The following CLDN15 variants were observed in gnomAD, a reference collection of about 807,000 sequenced individuals.
CLDN15 encodes the protein claudin-15.
In CLDN15, 9 loss-of-function variants were observed where a neutral mutation model predicts 24.5. That is an observed-to-expected ratio of 0.37 (90% confidence interval 0.22 to 0.64). The LOEUF (loss-of-function observed/expected upper bound fraction) is 0.64. CLDN15 is among the 30% of genes least tolerant of loss of function. The pLI is 0.63. For synonymous variants in CLDN15, 149 were observed against 131.4 expected (o/e 1.13, Z -0.92); for missense variants, 248 against 305.9 (o/e 0.81, Z 1.41).
Position 101,237,310 on chromosome 7 carries a change from G to T in CLDN15, c.217+55C>A. On this transcript the variant is annotated intron_variant, in intron 1 of 4. Transcript: ENST00000308344. The surrounding 1 kb of genome is among the most constrained non-coding windows in gnomAD (Gnocchi z 4.0). ...CACGGAAGTACCCGCCCTCCCCTGG[G>T]GTCTCTGCAGCTTCCCCGCCGCCCT... 2 of 1,153,748 alleles carry T rather than the reference G, an allele frequency of 1.7e-6. No homozygotes were observed. Among genetic ancestry groups the T allele is most frequent in the Non-Finnish European group, 2.6e-6 (2 of 783,176 alleles). 71.5% of individuals were successfully genotyped at this position (1,153,748 alleles called of 1,614,324 possible). A position where few individuals can be genotyped will look rare whatever the true frequency, so the allele number is the denominator to read the frequency against.
At chr7:101,238,159 C>G (rs1173682934), upstream of CLDN15, 2 of 173,766 alleles carry the variant, frequency 1.2e-5, no homozygotes, top group African/African-American at 4.7e-5. Context: ...GGAGGAACCA[C>G]GAGAACAATC....
chr7:101,233,320 G>A (rs183019023), intron 2 of CLDN15, among the ~76,000 whole-genome samples: 35 of 152,066 alleles, frequency 2.3e-4, no homozygotes, highest in Admixed American at 1.0e-3. Flanking sequence ...GTCCAGGGTC[G>A]TCCTTTCCTG....
chr7:101,236,479 G>A (rs1018408437), intron 1 of CLDN15, among the ~76,000 whole-genome samples: 1 of 152,154 alleles, frequency 6.6e-6, no homozygotes, highest in East Asian at 1.9e-4. Context: ...CCTGCCACAC[G>A]GTGCCTGGTG....
At position 101,232,686 on chromosome 7, in the gene CLDN15, T is replaced by C. The variant is rs1412677434; in HGVS notation, c.499A>G (p.Ser167Gly). The change falls in exon 4 of 5, where the codon AGC becomes GGC. Residue 167 changes from serine (S) to glycine (G), a missense_variant. Ser to Gly is a moderately conservative substitution (Grantham distance 56). Coordinates refer to ENST00000308344, the MANE Select transcript of CLDN15 (RefSeq NM_014343.3). ...CCCAGGATGGAGATCAGTGAGGCGC[T>C]CCACCCCAGGTAGAGGGCGGGGCCC... ...ELGPALYLGW[S>G]ASLISILGGL... The C allele has an allele frequency of 1.9e-6, 3 of 1,593,244 alleles. No homozygotes were observed. The highest frequency in any genetic ancestry group is 2.6e-6 in the Non-Finnish European group (3 of 1,170,470).
intron 2 of CLDN15, among the ~76,000 whole-genome samples, chr7:101,233,191 G>A (rs1798537885): frequency 6.6e-6 from 1 of 152,100 alleles, no homozygotes; most frequent in African/African-American, 2.4e-5. Context: ...TTTGGTCCCA[G>A]ATCTACCTAG....
intron 2 of CLDN15, chr7:101,233,970 C>T: frequency 1.8e-6 from 1 of 553,480 alleles, no homozygotes; most frequent in Non-Finnish European, 3.4e-6. Context: ...ATAGCGTGCA[C>T]CCTAACTCTG....
intron 1 of CLDN15, chr7:101,236,713 C>A (rs952033094): frequency 7.8e-7 from 1 of 1,289,752 alleles, no homozygotes; most frequent in Non-Finnish European, 1.0e-6. Flanking sequence ...CCTCTAAGAC[C>A]CCAGAAAGAC....
Position 101,232,704 on chromosome 7 carries a change from C to A in CLDN15, c.481G>T (p.Ala161Ser), listed in dbSNP as rs754103171. Residue 161 changes from alanine (A) to serine (S), a missense_variant, in exon 4 of 5, where the codon GCC becomes TCC. By Grantham distance (99) the Ala-to-Ser change is moderately conservative. Coordinates refer to ENST00000308344, the MANE Select transcript of CLDN15 (RefSeq NM_014343.3). The stretch of plus-strand genomic sequence containing the variant: ...GAGGCGCTCCACCCCAGGTAGAGGG[C>A]GGGGCCCAGCTCGTACCTGCGCACA... ...YPGTKYELGP[A>S]LYLGWSASLI... The A allele has an allele frequency of 1.9e-6, 3 of 1,593,978 alleles. No homozygotes were observed. The highest frequency in any genetic ancestry group is 3.5e-5 in the Admixed American group (2 of 56,834).
Position 101,236,750 on chromosome 7 carries a change from C to T in CLDN15, c.217+615G>A, listed in dbSNP as rs1162225811. On this transcript the variant is annotated intron_variant, in intron 1 of 4. Coordinates refer to ENST00000308344, the MANE Select transcript of CLDN15 (RefSeq NM_014343.3). ...CTGTCCTGGAAGCCCCACACACCTG[C>T]ACACACACCGCCTCCTTACAGCGGA... The T allele has an allele frequency of 8.5e-6, 11 of 1,291,276 alleles. No individual in the cohort carries two copies. In the African/African-American group the frequency reaches 1.2e-4, roughly 14 times the overall value. The allele number at this position is 1,291,276 out of a possible 1,614,324, so 80.0% of individuals were successfully genotyped here.
At chr7:101,235,689 G>T (rs1347664191) in intron 1 of CLDN15, among the ~76,000 whole-genome samples, 1 of 152,170 alleles carries the variant, frequency 6.6e-6, no homozygotes, top group Admixed American at 6.5e-5. Flanking sequence ...GCAGAGTCGG[G>T]GGGTAGGCAG....
intron 1 of CLDN15, chr7:101,236,632 G>A (rs1167950067): frequency 1.9e-5 from 14 of 730,950 alleles, no homozygotes; most frequent in Admixed American, 3.0e-5. Context: ...TCTTAGCGGG[G>A]AGCAGGGAGC....
At chr7:101,235,483 C>T (rs1294310806) in intron 1 of CLDN15, among the ~76,000 whole-genome samples, 1 of 152,218 alleles carries the variant, frequency 6.6e-6, no homozygotes, top group African/African-American at 2.4e-5. Context: ...GTCAGTCTAG[C>T]TCAGTCTTTC....
Position 101,237,417 on chromosome 7 carries a change from G to A in CLDN15, c.165C>T (p.Asp55=), listed in dbSNP as rs201176000. The change falls in exon 1 of 5, where the codon GAC becomes GAT. Residue 55 remains aspartate, a synonymous_variant. Transcript: ENST00000308344. This position sits in a 1 kb window ranked among gnomAD's most constrained non-coding sequence, Gnocchi z 4.0. ...CCCAGCAGTTGTAGACGCCCAGGGAGTCGGTGGCACAGCTAAACCAGAGGT... is the reference window on the plus strand; with the variant it reads ...CCCAGCAGTTGTAGACGCCCAGGGAATCGGTGGCACAGCTAAACCAGAGGT... ...FENLWFSCAT[D]SLGVYNCWEF... The A allele has an allele frequency of 4.0e-5, 64 of 1,613,696 alleles. No individual in the cohort carries two copies. The African/African-American group carries it at 7.7e-4, about 20-fold the overall frequency.
At chr7:101,236,901 A>G in intron 1 of CLDN15, 1 of 1,040,116 alleles carries the variant, frequency 9.6e-7, no homozygotes, top group South Asian at 1.3e-5. Context: ...AAGTTGATCA[A>G]CCTCTAAGAA....
rs777470398 is a variant in CLDN15 at position 101,232,377 on chromosome 7, T to C, written c.*33A>G. 7.4e-6 allele frequency: 11 copies of C among 1,489,184 alleles called. No homozygotes were observed. The highest frequency in any genetic ancestry group is 1.0e-5 in the Non-Finnish European group (11 of 1,070,338). The allele number at this position is 1,489,184 out of a possible 1,614,324, so 92.2% of individuals were successfully genotyped here. On this transcript the variant is annotated 3_prime_UTR_variant, in exon 5 of 5. Coordinates refer to ENST00000308344, the MANE Select transcript of CLDN15 (RefSeq NM_014343.3). ...GCCAGGTCCCCTCTCCTTGGGGCAGTGGGAAGACAGCGGGGCCCACGGGCC... is the reference window on the plus strand; with the variant it reads ...GCCAGGTCCCCTCTCCTTGGGGCAGCGGGAAGACAGCGGGGCCCACGGGCC...
chr7:101,237,169 G>A lies in CLDN15; in HGVS notation c.217+196C>T, dbSNP rs563693123. 1.3e-3 allele frequency among the ~76,000 whole-genome samples: 196 copies of A among 151,842 alleles called. No individual in the cohort carries two copies. Among genetic ancestry groups the A allele is most frequent in the African/African-American group, 1.8e-3 (75 of 41,130 alleles). The stretch of plus-strand genomic sequence containing the variant: ...TAACAGCTAAAAGCGCCACACTAGC[G>A]CAGGGGGCCACGTGTGGCAAGGTCT... On this transcript the variant is annotated intron_variant, in intron 1 of 4. Transcript: ENST00000308344. This position sits in a 1 kb window ranked among gnomAD's most constrained non-coding sequence, Gnocchi z 4.0.
At position 101,237,459 on chromosome 7, in the gene CLDN15, G is replaced by T. The variant is rs773046017; in HGVS notation, c.123C>A (p.Thr41=). The T allele has an allele frequency of 1.2e-5, 20 of 1,613,992 alleles. 1 individual carries two copies. The highest frequency in any genetic ancestry group is 1.6e-5 in the Non-Finnish European group (19 of 1,179,888). ...ACCAGAGGTTCTCGAAGATGGTGTT[G>T]GTGGTGATGACGTTCCCGTGCACAG... ...VSTVHGNVIT[T]NTIFENLWFS... Residue 41 remains threonine, a synonymous_variant, in exon 1 of 5, where the codon ACC becomes ACA. Coordinates refer to ENST00000308344, the MANE Select transcript of CLDN15 (RefSeq NM_014343.3). The surrounding 1 kb of genome is among the most constrained non-coding windows in gnomAD (Gnocchi z 4.0).
chr7:101,233,739 AGGTG>A (rs1798545872), intron 2 of CLDN15: 1 of 187,992 alleles, frequency 5.3e-6, no homozygotes. Context: ...GTGGGACTAC[AGGTG>A]CCTGCCACCA....
At position 101,232,296 on chromosome 7, in the gene CLDN15, GC is replaced by G. The variant is rs1025495453; in HGVS notation, c.*113del. On this transcript the variant is annotated 3_prime_UTR_variant, in exon 5 of 5. Coordinates refer to ENST00000308344, the MANE Select transcript of CLDN15 (RefSeq NM_014343.3). The stretch of plus-strand genomic sequence containing the variant: ...GACACGGGGCCGTGGCCGGGGCGGG[GC>G]TACGGGAGCGGGGCGTGGCCGGCCC... The G allele has an allele frequency of 1.0e-5, 7 of 702,778 alleles. No individual in the cohort carries two copies. The highest frequency in any genetic ancestry group is 1.7e-5 in the Non-Finnish European group (7 of 421,246). 43.5% of individuals were successfully genotyped at this position (702,778 alleles called of 1,614,324 possible).
Sources: gnomAD v4.1 joint callset for allele counts (sites outside exome capture counted in the v4.1 genomes callset) on GRCh38, gnomAD v4.1.1 for gene constraint, Gnocchi (gnomAD v3.1) non-coding constraint, MANE v1.5 for transcripts, NCBI Gene and HGNC (gene_info 2026-07-23, HGNC 2026-07-21) for gene names.